Variants in PCDHGA11 observed in about 807,000 individuals in gnomAD.
The protein encoded by PCDHGA11 is protocadherin gamma-A11.
In PCDHGA11, 39 loss-of-function variants were observed where a neutral mutation model predicts 60.4. That is an observed-to-expected ratio of 0.65 (90% confidence interval 0.50 to 0.84). The LOEUF (loss-of-function observed/expected upper bound fraction) is 0.84, where lower values mean the gene tolerates loss of function less well. PCDHGA11 is among the 40% of genes least tolerant of loss of function. The pLI is 0.00. For synonymous variants in PCDHGA11, 533 were observed against 510.3 expected, an observed-to-expected ratio of 1.04 and a Z score of -0.60; for missense variants, 1,165 against 1,197.7, an observed-to-expected ratio of 0.97 and a Z score of 0.40.
At chr5:141,423,790 T>C (rs1561813105) in intron 1 of PCDHGA11, 130 bp downstream of exon 1, 2 of 1,261,874 alleles carry the variant, frequency 1.6e-6, no homozygotes, top group Non-Finnish European at 1.0e-6. Context: ...TTCATATATA[T>C]TTAGAGCAAT....
At chr5:141,506,053 T>C (rs1486313858) in intron 3 of PCDHGA11, among the ~76,000 whole-genome samples, 1 of 152,126 alleles carries the variant, frequency 6.6e-6, no homozygotes, top group Non-Finnish European at 1.5e-5. Context: ...TCCCATAAGG[T>C]TGACTAAGGG....
chr5:141,486,100 C>G lies in PCDHGA11; in HGVS notation c.2434-8707C>G. Reference sequence around the variant, plus strand: ...AGCTTACTCTTTTGGGGCCCCTAGACTTTGAGAGTGAGAATTACTATGAAT... The same window carrying G: ...AGCTTACTCTTTTGGGGCCCCTAGAGTTTGAGAGTGAGAATTACTATGAAT... On this transcript the variant is annotated intron_variant, in intron 1 of 3. Transcript: ENST00000398587. This position sits in a 1 kb window ranked among gnomAD's most constrained non-coding sequence, Gnocchi z 5.0. 1 of 1,614,190 alleles carries G rather than the reference C, an allele frequency of 6.2e-7. No individual in the cohort carries two copies. The highest frequency in any genetic ancestry group is 1.1e-5 in the South Asian group (1 of 91,086).
At chr5:141,488,472 T>C (rs1183465817) in intron 1 of PCDHGA11, among the ~76,000 whole-genome samples, 1 of 152,096 alleles carries the variant, frequency 6.6e-6, no homozygotes, top group East Asian at 1.9e-4. Context: ...CCAGAAATGT[T>C]CCCCTACCCA....
At chr5:141,488,738 ATGCAGGAAGT>A (rs771423337) in intron 1 of PCDHGA11, among the ~76,000 whole-genome samples, 1 of 152,222 alleles carries the variant, frequency 6.6e-6, no homozygotes, top group Non-Finnish European at 1.5e-5. Flanking sequence ...TTCTGAAGTC[ATGCAGGAAGT>A]TGCTGGGACA....
In PCDHGA11 at chr5:141,431,616, A is replaced by G. The variant is rs776151297; in HGVS notation, c.2433+7956A>G. 1 of 1,614,250 alleles carries G rather than the reference A, an allele frequency of 6.2e-7. No individual in the cohort carries two copies. Among genetic ancestry groups the G allele is most frequent in the Non-Finnish European group, 8.5e-7 (1 of 1,180,042 alleles). ...AGGTATTCCTTCCGGTATGTGGACG[A>G]CAAGGCGGCCCAAGTTTTCAAACTA... On this transcript the variant is annotated intron_variant, in intron 1 of 3. Transcript: ENST00000398587. This position sits in a 1 kb window ranked among gnomAD's most constrained non-coding sequence, Gnocchi z 4.8.
chr5:141,436,590 C>T (rs1050788291), intron 1 of PCDHGA11, among the ~76,000 whole-genome samples: 10 of 152,102 alleles, frequency 6.6e-5, no homozygotes, highest in East Asian at 1.9e-4. Context: ...TTTGAAAGGT[C>T]GTGGTGATGG....
At chr5:141,481,894 A>G (rs1278425155) in intron 1 of PCDHGA11, among the ~76,000 whole-genome samples, 1 of 145,812 alleles carries the variant, frequency 6.9e-6, no homozygotes, top group Non-Finnish European at 1.5e-5. Flanking sequence ...AGCCTGGGTG[A>G]AAGAGCGAAA....
chr5:141,468,131 C>G (rs1006565854), intron 1 of PCDHGA11, among the ~76,000 whole-genome samples: 1 of 151,766 alleles, frequency 6.6e-6, no homozygotes, highest in African/African-American at 2.4e-5. Flanking sequence ...TTGAGACCAG[C>G]CTGGCCAACA....
In PCDHGA11 at chr5:141,511,532, T is replaced by G. The variant is rs548369303; in HGVS notation, c.*359T>G. Reference sequence around the variant, plus strand: ...GCCCATCCATCCCATGCCTCCCTCCTCCCCACCCCACTCCAACAGTTCCTC... The same window carrying G: ...GCCCATCCATCCCATGCCTCCCTCCGCCCCACCCCACTCCAACAGTTCCTC... On this transcript the variant is annotated 3_prime_UTR_variant, in exon 4 of 4. Transcript: ENST00000398587. 3.6e-5 allele frequency: 12 copies of G among 335,506 alleles called. No homozygotes were observed. In the East Asian group the frequency reaches 8.0e-4, roughly 22 times the overall value. The allele number at this position is 335,506 out of a possible 1,614,324, so 20.8% of individuals were successfully genotyped here. A position where few individuals can be genotyped will look rare whatever the true frequency, so the allele number is the denominator to read the frequency against.
At position 141,422,577 on chromosome 5, in the gene PCDHGA11, T is replaced by G; in HGVS notation, c.1350T>G (p.Pro450=). ...ATGTGGCAGATGACAACGATAACCC[T>G]CCCGTTTTTCCTCACTCCTCTTACT... ...WLNVADDNDN[P]PVFPHSSYSA... is the part of the protein sequence containing the mutation. The change falls in exon 1 of 4, where the codon CCT becomes CCG. Residue 450 remains proline, a synonymous_variant. Coordinates refer to ENST00000398587, the MANE Select transcript of PCDHGA11 (RefSeq NM_018914.3). 6.2e-7 allele frequency: 1 copy of G among 1,613,848 alleles called. No individual in the cohort carries two copies. Among genetic ancestry groups the G allele is most frequent in the Non-Finnish European group, 8.5e-7 (1 of 1,179,912 alleles).
chr5:141,424,203 GC>G (rs777832241), intron 1 of PCDHGA11: 3 of 175,740 alleles, frequency 1.7e-5, no homozygotes, highest in Non-Finnish European at 3.6e-5. Flanking sequence ...ATACACGTAA[GC>G]TTTTCTCTGA....
At chr5:141,430,261 A>T (rs1236197353) in intron 1 of PCDHGA11, among the ~76,000 whole-genome samples, 1 of 152,104 alleles carries the variant, frequency 6.6e-6, no homozygotes, top group African/African-American at 2.4e-5. Context: ...CATCTCCATA[A>T]TAGGTGTGTT....
At chr5:141,427,683 G>C in intron 1 of PCDHGA11, 1 of 836,052 alleles carries the variant, frequency 1.2e-6, no homozygotes. Flanking sequence ...CCTTCCCGGA[G>C]CCTCCATCCC....
intron 1 of PCDHGA11, among the ~76,000 whole-genome samples, chr5:141,442,703 C>A (rs1405830887): frequency 6.6e-6 from 1 of 152,218 alleles, no homozygotes; most frequent in Admixed American, 6.5e-5. Flanking sequence ...ACAAGAGTAT[C>A]AGACATGCCA....
In PCDHGA11 at chr5:141,485,972, T is replaced by G; in HGVS notation, c.2434-8835T>G. ...CATGGTGCTCATCCAGCTCAATGCC[T>G]CAGACCCGGACCTGGGTCCCAGTGG... On this transcript the variant is annotated intron_variant, in intron 1 of 3. Transcript: ENST00000398587. The surrounding 1 kb of genome is among the most constrained non-coding windows in gnomAD (Gnocchi z 5.7). 1 of 1,614,184 alleles carries G rather than the reference T, an allele frequency of 6.2e-7. No individual in the cohort carries two copies. Among genetic ancestry groups the G allele is most frequent in the Non-Finnish European group, 8.5e-7 (1 of 1,180,022 alleles).
At chr5:141,497,745 G>C (rs1475395529) in intron 2 of PCDHGA11, among the ~76,000 whole-genome samples, 1 of 152,070 alleles carries the variant, frequency 6.6e-6, no homozygotes, top group Non-Finnish European at 1.5e-5. Flanking sequence ...CGCCACGTTG[G>C]CCAGGCTGGT....
chr5:141,459,579 T>G (rs1047850142), intron 1 of PCDHGA11, among the ~76,000 whole-genome samples: 2 of 152,212 alleles, frequency 1.3e-5, no homozygotes, highest in African/African-American at 4.8e-5. Context: ...AGAATTGTTT[T>G]GGGGGTCATA....
intron 1 of PCDHGA11, among the ~76,000 whole-genome samples, chr5:141,483,322 G>C (rs1325809962): frequency 1.3e-5 from 2 of 152,110 alleles, no homozygotes. Flanking sequence ...TGGGACTGGA[G>C]GCAAAGAGAT....
chr5:141,438,627 T>TATAC (rs2098031123), intron 1 of PCDHGA11, among the ~76,000 whole-genome samples: 4 of 48,012 alleles, frequency 8.3e-5, no homozygotes, highest in Admixed American at 6.2e-4. Flanking sequence ...TATATATATA[T>TATAC]ATATATATAC....
Sources: gnomAD v4.1 joint callset for allele counts (sites outside exome capture counted in the v4.1 genomes callset) on GRCh38, gnomAD v4.1.1 for gene constraint, Gnocchi (gnomAD v3.1) non-coding constraint, MANE v1.5 for transcripts, NCBI Gene and HGNC (gene_info 2026-07-23, HGNC 2026-07-21) for gene names.